Variants in ATP11A observed in about 807,000 individuals in gnomAD.
ATP11A encodes the protein ATPase phospholipid transporting 11A.
A neutral mutation model predicts 154.4 loss-of-function variants in ATP11A; 81 were observed. The observed-to-expected ratio is 0.52, with a 90% CI of 0.44 to 0.63. The LOEUF (loss-of-function observed/expected upper bound fraction) is 0.63, where lower values mean the gene tolerates loss of function less well. Among genes scored for constraint, ATP11A ranks in the 30% least tolerant of loss-of-function variants. The pLI is 0.00. For synonymous variants in ATP11A, 623 were observed against 585.9 expected, an observed-to-expected ratio of 1.06 and a Z score of -0.91; for missense variants, 1,316 against 1,474.3, an observed-to-expected ratio of 0.89 and a Z score of 1.76.
At chr13:112,739,621 A>G (rs577199271) in intron 1 of ATP11A, among the ~76,000 whole-genome samples, 4 of 152,354 alleles carry the variant, frequency 2.6e-5, no homozygotes, top group African/African-American at 7.2e-5. Context: ...ACGCCTAAAT[A>G]TGTCCTCAAA....
At position 112,878,585 on chromosome 13, in the gene ATP11A, G is replaced by A. The variant is rs528268384; in HGVS notation, c.*9+282G>A. ...TGAGGGTTCAGACACAGCTGACAGC[G>A]GAGAGCTGGCCACATGACCCCTCAC... is the stretch of plus-strand genomic sequence containing the variant. On this transcript the variant is annotated intron_variant, in intron 29 of 29. Transcript: ENST00000375645. 64 of 514,648 alleles carry A rather than the reference G, an allele frequency of 1.2e-4. No individual in the cohort carries two copies. In the East Asian group the frequency reaches 1.3e-3, roughly 10 times the overall value. 31.9% of individuals were successfully genotyped at this position (514,648 alleles called of 1,614,324 possible). A position where few individuals can be genotyped will look rare whatever the true frequency, so the allele number is the denominator to read the frequency against.
intron 4 of ATP11A, among the ~76,000 whole-genome samples, chr13:112,810,116 G>C (rs1167753219): frequency 6.6e-6 from 1 of 152,220 alleles, no homozygotes; most frequent in Non-Finnish European, 1.5e-5. Context: ...TGGGCTGCCA[G>C]ATCTCATAAC....
Position 112,797,770 on chromosome 13 carries a change from G to T in ATP11A, c.163-7187G>T, listed in dbSNP as rs372816863. On this transcript the variant is annotated intron_variant, in intron 2 of 29. Coordinates refer to ENST00000375645, the MANE Select transcript of ATP11A (RefSeq NM_015205.3). The stretch of plus-strand genomic sequence containing the variant: ...CCAGTAGACCTCCCTTGCAAGAAAT[G>T]TTAAAAGTTCTTCAGAAAGAAGGAA... 1.1e-4 allele frequency among the ~76,000 whole-genome samples: 17 copies of T among 152,336 alleles called. No homozygotes were observed. The South Asian group carries it at 3.1e-3, about 28-fold the overall frequency.
chr13:112,838,232 A>C lies in ATP11A; in HGVS notation c.1705+1981A>C, dbSNP rs2079295143. On this transcript the variant is annotated intron_variant, in intron 16 of 29. Transcript: ENST00000375645. This position sits in a 1 kb window ranked among gnomAD's most constrained non-coding sequence, Gnocchi z 7.3. ...GGCTCGGATGAGGCGCAGTCCTGAG[A>C]GTCTCAGCCACTCGGAGTTATCTGG... Among the ~76,000 whole-genome samples, 1 of 152,088 alleles carries C rather than the reference A, an allele frequency of 6.6e-6. No homozygotes were observed. Among genetic ancestry groups the C allele is most frequent in the African/African-American group, 2.4e-5 (1 of 41,408 alleles).
chr13:112,785,194 A>C lies in ATP11A; in HGVS notation c.99A>C (p.Pro33=), dbSNP rs1325928396. The C allele has an allele frequency of 1.3e-6, 2 of 1,578,844 alleles. No homozygotes were observed. The highest frequency in any genetic ancestry group is 1.8e-5 in the Admixed American group (1 of 54,604). Residue 33 remains proline (P), a synonymous_variant, in exon 2 of 30, where the codon CCA becomes CCC. Transcript: ENST00000375645. The surrounding 1 kb of genome is among the most constrained non-coding windows in gnomAD (Gnocchi z 4.8). ...SRTIYVGHRE[P]PPGAEAYIPQ... is the part of the protein sequence containing the mutation. The stretch of plus-strand genomic sequence containing the variant: ...CCATCTACGTGGGACACAGGGAGCC[A>C]CCTCCGGGCGCAGAGGCCTACATCC...
chr13:112,693,377 G>C (rs965763982), intron 1 of ATP11A, among the ~76,000 whole-genome samples: 2 of 151,072 alleles, frequency 1.3e-5, no homozygotes, highest in African/African-American at 4.9e-5. Context: ...TGTGCTGTGG[G>C]GTAGTGTATG....
chr13:112,764,583 G>C (rs527834866), intron 1 of ATP11A, among the ~76,000 whole-genome samples: 10 of 152,328 alleles, frequency 6.6e-5, no homozygotes, highest in Non-Finnish European at 4.4e-5. Flanking sequence ...CCTGTGGGCT[G>C]TGACTGCTGC....
At chr13:112,765,025 T>C (rs1477256878) in intron 1 of ATP11A, among the ~76,000 whole-genome samples, 1 of 152,174 alleles carries the variant, frequency 6.6e-6, no homozygotes, top group African/African-American at 2.4e-5. Flanking sequence ...CGCACGCTTT[T>C]CTTGCAAGTC....
At chr13:112,718,715 G>C (rs1011059481) in intron 1 of ATP11A, among the ~76,000 whole-genome samples, 4 of 147,082 alleles carry the variant, frequency 2.7e-5, no homozygotes, top group Non-Finnish European at 5.9e-5. Flanking sequence ...TTGTCACCCA[G>C]GCTGGAGGGC....
Position 112,821,938 on chromosome 13 carries a change from T to A in ATP11A, c.726-1407T>A, listed in dbSNP as rs1344112820. On this transcript the variant is annotated intron_variant, in intron 8 of 29. Coordinates refer to ENST00000375645, the MANE Select transcript of ATP11A (RefSeq NM_015205.3). ...ACCCATATGCAGCCTGGGAGCTCCA[T>A]CTTTAGTGATTGCCGGGGAGGACGC... Among the ~76,000 whole-genome samples the A allele has an allele frequency of 4.6e-4, 70 of 152,162 alleles. 1 individual carries two copies. The highest frequency in any genetic ancestry group is 4.6e-3 in the Admixed American group (70 of 15,278).
rs542703468 is a variant in ATP11A at position 112,859,645 on chromosome 13, C to T, written c.2727+193C>T. Among the ~76,000 whole-genome samples the T allele has an allele frequency of 3.3e-5, 5 of 152,270 alleles. No individual in the cohort carries two copies. The highest frequency in any genetic ancestry group is 1.2e-4 in the African/African-American group (5 of 41,546). On this transcript the variant is annotated intron_variant, in intron 23 of 29. Coordinates refer to ENST00000375645, the MANE Select transcript of ATP11A (RefSeq NM_015205.3). The surrounding 1 kb of genome is among the most constrained non-coding windows in gnomAD (Gnocchi z 4.3). ...GGGGGCCACGGAGCTGAGGAGTTGC[C>T]GTCCTGGAGGCCCCTTGTTCCATGT...
Position 112,882,148 on chromosome 13 carries a change from C to A in ATP11A, c.*282C>A. On this transcript the variant is annotated 3_prime_UTR_variant, in exon 30 of 30. Coordinates refer to ENST00000375645, the MANE Select transcript of ATP11A (RefSeq NM_015205.3). The surrounding 1 kb of genome is among the most constrained non-coding windows in gnomAD (Gnocchi z 5.1). ...AAGGAGGGGGGTCACAGGCCTTGCC[C>A]TCGAGCATGGCACCCTGGCCGCCTG... The A allele has an allele frequency of 7.6e-7, 1 of 1,311,574 alleles. No homozygotes were observed. Among genetic ancestry groups the A allele is most frequent in the Non-Finnish European group, 1.0e-6 (1 of 995,528 alleles). The allele number at this position is 1,311,574 out of a possible 1,614,324, so 81.2% of individuals were successfully genotyped here.
chr13:112,784,296 T>C (rs1464103645), intron 1 of ATP11A, among the ~76,000 whole-genome samples: 1 of 152,204 alleles, frequency 6.6e-6, no homozygotes, highest in African/African-American at 2.4e-5. Flanking sequence ...GCCATGGCAA[T>C]GGTAAACTGA....
chr13:112,729,487 G>C (rs892242750), intron 1 of ATP11A, among the ~76,000 whole-genome samples: 2 of 152,100 alleles, frequency 1.3e-5, no homozygotes, highest in East Asian at 3.9e-4. Flanking sequence ...TAACGCGTCT[G>C]CGTGTGAACA....
At chr13:112,860,555 G>A (rs2080072056) in intron 24 of ATP11A, 141 bp downstream of exon 24, 7 of 998,292 alleles carry the variant, frequency 7.0e-6, no homozygotes, top group Non-Finnish European at 1.0e-5. Context: ...TGCTTGATCA[G>A]GAGCTTGTTT....
In ATP11A at chr13:112,859,007, A is replaced by AC. The variant is rs2080020251; in HGVS notation, c.2668-381dup. Reference sequence around the variant, plus strand: ...AGGGCCTGCCGTGCCGCGGGAGGAGACCCCCAGCCCTTTTCTCCCCCCACA... The same window carrying AC: ...AGGGCCTGCCGTGCCGCGGGAGGAGACCCCCCAGCCCTTTTCTCCCCCCACA... On this transcript the variant is annotated intron_variant, in intron 22 of 29. Coordinates refer to ENST00000375645, the MANE Select transcript of ATP11A (RefSeq NM_015205.3). The surrounding 1 kb of genome is among the most constrained non-coding windows in gnomAD (Gnocchi z 4.3). 4 of 270,764 alleles carry AC rather than the reference A, an allele frequency of 1.5e-5. No individual in the cohort carries two copies. The highest frequency in any genetic ancestry group is 1.0e-4 in the East Asian group (1 of 9,728). 16.8% of individuals were successfully genotyped at this position (270,764 alleles called of 1,614,324 possible). A position where few individuals can be genotyped will look rare whatever the true frequency, so the allele number is the denominator to read the frequency against.
intron 1 of ATP11A, among the ~76,000 whole-genome samples, chr13:112,704,527 G>A (rs887584477): frequency 1.6e-4 from 24 of 152,238 alleles, no homozygotes; most frequent in African/African-American, 4.1e-4. Flanking sequence ...TGACTGCGGC[G>A]TGCGTCTCAG....
intron 29 of ATP11A, chr13:112,880,580 C>T (rs1168280047): frequency 7.7e-7 from 1 of 1,300,844 alleles, no homozygotes; most frequent in East Asian, 5.6e-5. Context: ...GTCCAGGCCG[C>T]ACAGAGCAGC....
At chr13:112,768,573 C>T (rs889325203) in intron 1 of ATP11A, among the ~76,000 whole-genome samples, 34 of 152,336 alleles carry the variant, frequency 2.2e-4, no homozygotes, top group Admixed American at 6.5e-4. Flanking sequence ...ACAATGCATT[C>T]GTTGTCTCGG....
Sources: allele counts gnomAD v4.1 joint callset (sites outside exome capture counted in the v4.1 genomes callset), GRCh38; gene constraint gnomAD v4.1.1; non-coding constraint Gnocchi (gnomAD v3.1); transcripts MANE v1.5; gene names NCBI Gene and HGNC (gene_info 2026-07-23, HGNC 2026-07-21).